Variants in SLC35D1 observed in about 807,000 individuals in gnomAD.
SLC35D1 encodes the protein solute carrier family 35 member D1.
A neutral mutation model predicts 46.7 loss-of-function variants in SLC35D1; 31 were observed. That is an observed-to-expected ratio of 0.66 (90% CI 0.50 to 0.90). The LOEUF (loss-of-function observed/expected upper bound fraction) is 0.90, where lower values mean the gene tolerates loss of function less well. SLC35D1 is among the 40% of genes least tolerant of loss of function. The probability of loss-of-function intolerance (pLI) is 0.00; values close to 1 mark genes in which losing one functional copy is unlikely to be tolerated. For missense variants in SLC35D1, 397 were observed against 426.2 expected, an observed-to-expected ratio of 0.93 and a Z score of 0.60; for synonymous variants, 195 against 164.6, an observed-to-expected ratio of 1.18 and a Z score of -1.41.
intron 11 of SLC35D1, among the ~76,000 whole-genome samples, chr1:67,006,494 C>T (rs1667450129): frequency 6.6e-6 from 1 of 152,156 alleles, no homozygotes; most frequent in African/African-American, 2.4e-5. Flanking sequence ...CTTCCCACAA[C>T]AGCCTAAAAA....
intron 8 of SLC35D1, among the ~76,000 whole-genome samples, chr1:67,036,719 TTTTTC>T (rs1293796948): frequency 1.3e-5 from 2 of 151,958 alleles, no homozygotes; most frequent in Non-Finnish European, 2.9e-5. Context: ...TCTTTTTTTT[TTTTTC>T]TTTTTTTATC....
chr1:66,990,855 A>G, the SLC35D1 span, among the ~76,000 whole-genome samples: 34 of 152,246 alleles, frequency 2.2e-4, no homozygotes, highest in African/African-American at 8.2e-4. Flanking sequence ...TCCCCCTCCG[A>G]CAGTAAGCCT....
intron 6 of SLC35D1, 80 bp from the exon 7 acceptor site, chr1:67,047,447 A>C (rs143543722): frequency 2.2e-5 from 26 of 1,159,694 alleles, no homozygotes; most frequent in Middle Eastern, 2.5e-4. Context: ...TAAAATATTT[A>C]CAAGAACATA....
chr1:67,021,756 C>CACACAT (rs1558155444), intron 8 of SLC35D1, among the ~76,000 whole-genome samples, 154 bp from the exon 9 acceptor site: 1 of 150,780 alleles, frequency 6.6e-6, no homozygotes, highest in Non-Finnish European at 1.5e-5. Context: ...CACACACACA[C>CACACAT]ACAGGTATAT....
At chr1:67,027,456 TA>T (rs1456285957) in intron 8 of SLC35D1, among the ~76,000 whole-genome samples, 1 of 152,082 alleles carries the variant, frequency 6.6e-6, no homozygotes, top group Non-Finnish European at 1.5e-5. Context: ...TCTTCCTTCT[TA>T]AAAGACAGGT....
chr1:66,973,010 T>G, the SLC35D1 span: 6 of 1,427,680 alleles, frequency 4.2e-6, no homozygotes, highest in East Asian at 2.3e-5. Context: ...TGATAATCTC[T>G]TTTTTGCAAA....
chr1:67,032,086 G>C, intron 8 of SLC35D1: 1 of 985,324 alleles, frequency 1.0e-6, no homozygotes, highest in Non-Finnish European at 1.2e-6. Context: ...TGGAATCTTC[G>C]GTCTTGGCTG....
downstream of SLC35D1, among the ~76,000 whole-genome samples, chr1:66,995,438 A>AAAAAAAAAAAAAAAAAAAAC: frequency 2.1e-4 from 2 of 9,440 alleles, no homozygotes; most frequent in Non-Finnish European, 2.0e-4. Flanking sequence ...TACGCTAAAA[A>AAAAAAAAAAAAAAAAAAAAC]AAAAAAAAAA....
At chr1:67,013,158 A>ATATATATATATATATGTATATATATATG in intron 10 of SLC35D1, among the ~76,000 whole-genome samples, 8 of 103,614 alleles carry the variant, frequency 7.7e-5, no homozygotes, top group South Asian at 2.8e-4. Context: ...TATCCTGGAG[A>ATATATATATATATATGTATATATATATG]TATATATATA....
At chr1:66,984,812 A>G in the SLC35D1 span, 1 of 1,613,642 alleles carries the variant, frequency 6.2e-7, no homozygotes, top group South Asian at 1.1e-5. Flanking sequence ...GTAAACAGCA[A>G]TGGAAAAGAA....
intron 10 of SLC35D1, 45 bp from the exon 11 acceptor site, chr1:67,009,212 G>T: frequency 1.4e-6 from 1 of 698,420 alleles, no homozygotes; most frequent in Non-Finnish European, 2.4e-6. Context: ...GTTTAACTGA[G>T]CTTCTTAAAT....
the SLC35D1 span, among the ~76,000 whole-genome samples, chr1:66,983,253 C>T: frequency 6.6e-6 from 1 of 152,162 alleles, no homozygotes; most frequent in Non-Finnish European, 1.5e-5. Context: ...TTATTTTTGA[C>T]CTAATCACAG....
chr1:67,004,278 C>T lies in SLC35D1; in HGVS notation c.*62G>A. 1 of 1,347,696 alleles carries T rather than the reference C, an allele frequency of 7.4e-7. No homozygotes were observed. The highest frequency in any genetic ancestry group is 1.1e-6 in the Non-Finnish European group (1 of 938,126). The allele number at this position is 1,347,696 out of a possible 1,614,324, so 83.5% of individuals were successfully genotyped here. ...AGACACCTCAGTGTCTCTGTAGGAA[C>T]TGCCAGTGTTCTGAGTTGATTAAAA... On this transcript the variant is annotated 3_prime_UTR_variant, in exon 12 of 12. Transcript: ENST00000235345.
intron 10 of SLC35D1, among the ~76,000 whole-genome samples, chr1:67,011,573 C>G (rs915067548): frequency 4.6e-5 from 7 of 152,306 alleles, no homozygotes; most frequent in South Asian, 2.1e-4. Flanking sequence ...ATCCCTGCCT[C>G]CTAGGCTCAA....
intron 10 of SLC35D1, among the ~76,000 whole-genome samples, chr1:67,012,793 T>A (rs1667594545): frequency 6.6e-6 from 1 of 152,254 alleles, no homozygotes; most frequent in South Asian, 2.1e-4. Flanking sequence ...GGCTGGTAAT[T>A]CAAGTTGTAC....
chr1:67,021,257 T>C (rs928470408), intron 9 of SLC35D1, among the ~76,000 whole-genome samples: 7 of 152,204 alleles, frequency 4.6e-5, no homozygotes, highest in African/African-American at 1.7e-4. Context: ...ATGGTCAGTA[T>C]AGAGATAAAA....
chr1:67,015,535 G>C (rs1667667729), intron 10 of SLC35D1, among the ~76,000 whole-genome samples: 1 of 152,052 alleles, frequency 6.6e-6, no homozygotes, highest in South Asian at 2.1e-4. Flanking sequence ...AACTACAGGT[G>C]CATGCCACCA....
the SLC35D1 span, chr1:66,986,426 G>C: frequency 6.2e-7 from 1 of 1,613,046 alleles, no homozygotes; most frequent in African/African-American, 1.3e-5. Flanking sequence ...GCTTCTTCCA[G>C]TTCATTTTTC....
rs1001926616 is a variant in SLC35D1 at position 67,001,341 on chromosome 1, G to A, written c.*2999C>T. On this transcript the variant is annotated 3_prime_UTR_variant, in exon 12 of 12. Coordinates refer to ENST00000235345, the MANE Select transcript of SLC35D1 (RefSeq NM_015139.3). ...TAAAAAAAAAAACTAGGTGCAAACT[G>A]GAGCCTACAAATGATTGACTCATAA... The A allele has an allele frequency of 2.0e-5, 3 of 152,270 alleles. No individual in the cohort carries two copies. 9.4% of individuals were successfully genotyped at this position (152,270 alleles called of 1,614,324 possible). A position where few individuals can be genotyped will look rare whatever the true frequency, so the allele number is the denominator to read the frequency against.
Sources: allele counts gnomAD v4.1 joint callset (sites outside exome capture counted in the v4.1 genomes callset), GRCh38; gene constraint gnomAD v4.1.1; transcripts MANE v1.5; gene names NCBI Gene and HGNC (gene_info 2026-07-23, HGNC 2026-07-21).